Variants in STK33 observed in about 807,000 individuals in gnomAD.
The protein encoded by STK33 is serine/threonine kinase 33.
A neutral mutation model predicts 58.0 loss-of-function variants in STK33; 52 were observed. The ratio of observed to expected loss-of-function variants is 0.90; its 90% confidence interval spans 0.72 to 1.13. The LOEUF is 1.13. Among genes scored for constraint, STK33 ranks in the 50% most tolerant of loss-of-function variants. STK33 has a pLI of 0.00. For missense variants in STK33, 630 were observed against 604.2 expected, an observed-to-expected ratio of 1.04 and a Z score of -0.45; for synonymous variants, 215 against 200.1, an observed-to-expected ratio of 1.07 and a Z score of -0.63.
intron 1 of STK33, among the ~76,000 whole-genome samples, chr11:8,589,625 A>C (rs2032278106): frequency 6.6e-6 from 1 of 152,164 alleles, no homozygotes; most frequent in Non-Finnish European, 1.5e-5. Context: ...TGTGCACTTT[A>C]AAAGGGTGAA....
At position 8,474,863 on chromosome 11, in the gene STK33, C is replaced by T. The variant is rs752187725; in HGVS notation, c.43G>A (p.Asp15Asn). Reference sequence around the variant, plus strand: ...TCTTTCTGAGAAGCAGATGAACAGTCGGGGCATTTTGTGGATTTTTTATCT... The same window carrying T: ...TCTTTCTGAGAAGCAGATGAACAGTTGGGGCATTTTGTGGATTTTTTATCT... ...GLDKKSTKCPDCSSASQKDVL... is the reference protein window; with the variant it reads ...GLDKKSTKCPNCSSASQKDVL... Residue 15 changes from aspartate to asparagine, a missense_variant, in exon 5 of 16, where the codon GAC becomes AAC. By Grantham distance (23) the Asp-to-Asn change is conservative. Coordinates refer to ENST00000687296, the MANE Select transcript of STK33 (RefSeq NM_001352389.2). 6.9e-6 allele frequency: 11 copies of T among 1,596,480 alleles called. No homozygotes were observed. Among genetic ancestry groups the T allele is most frequent in the African/African-American group, 2.7e-5 (2 of 74,088 alleles).
At chr11:8,562,707 C>A (rs1477110712) in intron 1 of STK33, among the ~76,000 whole-genome samples, 1 of 151,890 alleles carries the variant, frequency 6.6e-6, no homozygotes, top group Non-Finnish European at 1.5e-5. Flanking sequence ...TTCTGAATAT[C>A]TTCTGCATTC....
chr11:8,544,917 T>C (rs1955799131), intron 1 of STK33, among the ~76,000 whole-genome samples: 1 of 152,210 alleles, frequency 6.6e-6, no homozygotes, highest in South Asian at 2.1e-4. Flanking sequence ...TGCCCTGAGA[T>C]AATGTTATTC....
chr11:8,366,265 C>G, the STK33 span, among the ~76,000 whole-genome samples: 1 of 152,200 alleles, frequency 6.6e-6, no homozygotes, highest in African/African-American at 2.4e-5. Flanking sequence ...CAGTCTGTCC[C>G]AGGCCAGCCT....
chr11:8,567,031 T>C (rs1372080875), intron 1 of STK33, among the ~76,000 whole-genome samples: 1 of 151,998 alleles, frequency 6.6e-6, no homozygotes, highest in Non-Finnish European at 1.5e-5. Context: ...TCCCAGCTAC[T>C]CGGGAGGCTG....
intron 1 of STK33, among the ~76,000 whole-genome samples, chr11:8,522,766 T>A (rs954772455): frequency 6.6e-6 from 1 of 151,810 alleles, no homozygotes; most frequent in Non-Finnish European, 1.5e-5. Context: ...CCCTCTCCCT[T>A]TCCCTCTTTC....
intron 15 of STK33, among the ~76,000 whole-genome samples, chr11:8,403,381 T>C (rs1050371364): frequency 6.6e-6 from 1 of 152,178 alleles, no homozygotes; most frequent in Non-Finnish European, 1.5e-5. Flanking sequence ...GCTACTAATA[T>C]GATTAAGGGA....
intron 15 of STK33, among the ~76,000 whole-genome samples, chr11:8,405,685 G>A (rs186468529): frequency 1.3e-5 from 2 of 152,154 alleles, no homozygotes; most frequent in South Asian, 2.1e-4. Context: ...TTACAGTTTC[G>A]CTTTTAGATT....
chr11:8,410,826 C>T (rs2135570497), intron 15 of STK33, among the ~76,000 whole-genome samples: 1 of 152,236 alleles, frequency 6.6e-6, no homozygotes, highest in Admixed American at 6.5e-5. Context: ...GTTAAATAAA[C>T]AATTTTATAA....
chr11:8,346,295 C>T, the STK33 span, among the ~76,000 whole-genome samples: 8,567 of 152,280 alleles, frequency 0.056, 357 homozygotes, highest in African/African-American at 0.12. Flanking sequence ...CCGTGAGCCC[C>T]AGGTGACCCT....
At chr11:8,538,125 T>C (rs960667721) in intron 1 of STK33, among the ~76,000 whole-genome samples, 2 of 151,974 alleles carry the variant, frequency 1.3e-5, no homozygotes, top group African/African-American at 4.8e-5. Context: ...GAGGCAGAGA[T>C]TGCAGTGAGC....
chr11:8,589,373 T>C (rs907248100), intron 1 of STK33, among the ~76,000 whole-genome samples: 1 of 152,176 alleles, frequency 6.6e-6, no homozygotes, highest in Non-Finnish European at 1.5e-5. Flanking sequence ...AAATGAACTT[T>C]GAAAACATCA....
At chr11:8,341,701 G>A in the STK33 span, among the ~76,000 whole-genome samples, 1 of 152,344 alleles carries the variant, frequency 6.6e-6, no homozygotes, top group South Asian at 2.1e-4. Flanking sequence ...GAGGTTAGGA[G>A]AGCATGTCAT....
chr11:8,527,352 A>G (rs997156959), intron 1 of STK33, among the ~76,000 whole-genome samples: 2 of 152,146 alleles, frequency 1.3e-5, no homozygotes, highest in African/African-American at 2.4e-5. Flanking sequence ...CATGTTGACA[A>G]TGTTCTATTA....
At chr11:8,402,870 T>G (rs1045736032) in intron 15 of STK33, among the ~76,000 whole-genome samples, 1 of 152,238 alleles carries the variant, frequency 6.6e-6, no homozygotes, top group African/African-American at 2.4e-5. Context: ...TATCTAAGTT[T>G]TGCGTTTCTC....
intron 2 of STK33, among the ~76,000 whole-genome samples, chr11:8,478,786 G>A (rs886288536): frequency 6.6e-6 from 1 of 151,752 alleles, no homozygotes; most frequent in Non-Finnish European, 1.5e-5. Flanking sequence ...ACATTCTGCA[G>A]ACCAAGCCAA....
At chr11:8,526,828 C>A (rs185539814) in intron 1 of STK33, among the ~76,000 whole-genome samples, 303 of 131,646 alleles carry the variant, frequency 2.3e-3, no homozygotes, top group Middle Eastern at 4.1e-3. Context: ...TGATACTGAG[C>A]AAAAAAAAAA....
At chr11:8,544,563 T>G (rs1475581985) in intron 1 of STK33, among the ~76,000 whole-genome samples, 1 of 151,762 alleles carries the variant, frequency 6.6e-6, no homozygotes, top group Non-Finnish European at 1.5e-5. Context: ...GAACTATATA[T>G]TCAAAGAAAT....
chr11:8,580,217 A>T (rs2029882868), intron 1 of STK33, among the ~76,000 whole-genome samples: 1 of 152,182 alleles, frequency 6.6e-6, no homozygotes, highest in Non-Finnish European at 1.5e-5. Flanking sequence ...GGGCAACCTA[A>T]GTGTCCATCA....
Sources: allele counts gnomAD v4.1 joint callset (sites outside exome capture counted in the v4.1 genomes callset), GRCh38; gene constraint gnomAD v4.1.1; transcripts MANE v1.5; gene names NCBI Gene and HGNC (gene_info 2026-07-23, HGNC 2026-07-21).